Variants in BRD7 observed in about 807,000 individuals in gnomAD.
BRD7 encodes the protein bromodomain containing 7.
BRD7 carries 15 observed loss-of-function variants against 82.1 expected under a neutral mutation model. The ratio of observed to expected loss-of-function variants is 0.18; its 90% CI spans 0.12 to 0.28. The LOEUF (loss-of-function observed/expected upper bound fraction) is 0.28, where lower values mean the gene tolerates loss of function less well. Ranked by LOEUF, BRD7 falls within the 10% of genes least tolerant of loss-of-function variation. BRD7 has a pLI of 1.00. For synonymous variants in BRD7, 232 were observed against 266.9 expected (o/e 0.87, Z 1.27); for missense variants, 638 against 779.9 (o/e 0.82, Z 2.17).
intron 5 of BRD7, among the ~76,000 whole-genome samples, chr16:50,345,556 A>G (rs1469915514): frequency 6.6e-6 from 1 of 152,168 alleles, no homozygotes; most frequent in African/African-American, 2.4e-5. Flanking sequence ...TAGGCTCAAA[A>G]TAAAGGGATG....
In BRD7 at chr16:50,317,858, A is replaced by C. The variant is rs966135197; in HGVS notation, c.*1353T>G. 9 of 152,250 alleles carry C rather than the reference A, an allele frequency of 5.9e-5. No individual in the cohort carries two copies. Among genetic ancestry groups the C allele is most frequent in the African/African-American group, 1.9e-4 (8 of 41,416 alleles). The allele number at this position is 152,250 out of a possible 1,614,324, so 9.4% of individuals were successfully genotyped here. On this transcript the variant is annotated 3_prime_UTR_variant, in exon 17 of 17. Coordinates refer to ENST00000394688, the MANE Select transcript of BRD7 (RefSeq NM_013263.5). Reference sequence around the variant, plus strand: ...TCCTGAGTTAACTTTTGTGAAAATAATACCTAAGGTTTTCTGGCTTATTGA... The same window carrying C: ...TCCTGAGTTAACTTTTGTGAAAATACTACCTAAGGTTTTCTGGCTTATTGA...
intron 2 of BRD7, chr16:50,361,811 T>C (rs2038946571): frequency 6.6e-6 from 1 of 152,152 alleles, no homozygotes; most frequent in African/African-American, 2.4e-5. Flanking sequence ...CCTATACGCA[T>C]CTCCTTCTTG....
chr16:50,366,477 G>A (rs964919231), intron 2 of BRD7, among the ~76,000 whole-genome samples: 10 of 152,182 alleles, frequency 6.6e-5, no homozygotes, highest in Non-Finnish European at 1.0e-4. Context: ...ACAAATGAAA[G>A]CAATGATCTA....
At chr16:50,344,975 CA>C (rs1460594989) in intron 5 of BRD7, among the ~76,000 whole-genome samples, 5 of 152,226 alleles carry the variant, frequency 3.3e-5, no homozygotes, top group Non-Finnish European at 7.3e-5. Flanking sequence ...TCAGATTCAC[CA>C]AAGTTGAAAT....
At chr16:50,329,316 A>G (rs2037462691) in intron 8 of BRD7, among the ~76,000 whole-genome samples, 2 of 152,216 alleles carry the variant, frequency 1.3e-5, no homozygotes. Flanking sequence ...ACTATGGACC[A>G]GGTGAGGGCA....
At chr16:50,368,422 G>A (rs931987777) in intron 1 of BRD7, 124 bp from the exon 2 acceptor site, 4 of 1,078,158 alleles carry the variant, frequency 3.7e-6, no homozygotes, top group Non-Finnish European at 5.2e-6. Context: ...GCTCCGCGAA[G>A]CACCTGTTGA....
intron 6 of BRD7, among the ~76,000 whole-genome samples, chr16:50,338,127 C>T (rs2037893639): frequency 6.6e-6 from 1 of 152,178 alleles, no homozygotes; most frequent in Admixed American, 6.5e-5. Context: ...TTGACAAATG[C>T]ATTTTTACTT....
intron 5 of BRD7, among the ~76,000 whole-genome samples, chr16:50,343,704 T>C (rs971435184): frequency 2.0e-5 from 3 of 152,176 alleles, no homozygotes; most frequent in South Asian, 4.1e-4. Flanking sequence ...TCACTCACTG[T>C]TAGCACAGCA....
chr16:50,336,336 A>G (rs1201576338), intron 6 of BRD7, among the ~76,000 whole-genome samples: 1 of 152,244 alleles, frequency 6.6e-6, no homozygotes, highest in African/African-American at 2.4e-5. Context: ...AAGGGAATGA[A>G]TATTTTTGAG....
chr16:50,365,967 A>G (rs1299405354), intron 2 of BRD7, among the ~76,000 whole-genome samples: 1 of 145,048 alleles, frequency 6.9e-6, no homozygotes, highest in Non-Finnish European at 1.5e-5. Flanking sequence ...ATGTCAGAAC[A>G]CTGAAGATAA....
chr16:50,320,207 A>C (rs1356507994), intron 15 of BRD7, 41 bp downstream of exon 15: 1 of 1,577,524 alleles, frequency 6.3e-7, no homozygotes, highest in Admixed American at 1.9e-5. Context: ...TTTTTCTTTG[A>C]AGCATCCCGT....
At chr16:50,349,891 G>T in intron 5 of BRD7, 132 bp downstream of exon 5, 1 of 865,170 alleles carries the variant, frequency 1.2e-6, no homozygotes, top group Non-Finnish European at 1.7e-6. Flanking sequence ...TTCTGAAGCA[G>T]AAATAAACAA....
At chr16:50,327,047 C>T (rs910160596) in intron 9 of BRD7, among the ~76,000 whole-genome samples, 1 of 152,210 alleles carries the variant, frequency 6.6e-6, no homozygotes, top group Admixed American at 6.5e-5. Flanking sequence ...ACGGAGGCTA[C>T]TGCCATCAGT....
chr16:50,363,020 G>C (rs2038989767), intron 2 of BRD7, among the ~76,000 whole-genome samples: 1 of 148,534 alleles, frequency 6.7e-6, no homozygotes, highest in Non-Finnish European at 1.5e-5. Context: ...GCTCAGCACA[G>C]AACCTAGGAT....
chr16:50,353,653 G>A (rs1255719920), intron 4 of BRD7, among the ~76,000 whole-genome samples: 1 of 151,908 alleles, frequency 6.6e-6, no homozygotes, highest in Non-Finnish European at 1.5e-5. Context: ...GAGTGCAGTG[G>A]TGCAATCTCG....
chr16:50,340,145 C>T (rs1275276840), intron 5 of BRD7, 59 bp from the exon 6 acceptor site: 1 of 940,496 alleles, frequency 1.1e-6, no homozygotes, highest in Non-Finnish European at 1.6e-6. Context: ...ACCCTGCACC[C>T]CCAGGTTGAA....
intron 1 of BRD7, 148 bp downstream of exon 1, chr16:50,368,578 G>A (rs1403049447): frequency 8.4e-6 from 7 of 832,080 alleles, no homozygotes; most frequent in South Asian, 2.5e-5. Context: ...GGGGGGCAGC[G>A]CGGCCTCCGG....
intron 7 of BRD7, 34 bp from the exon 8 acceptor site, chr16:50,333,731 A>AT: frequency 1.4e-6 from 2 of 1,455,160 alleles, no homozygotes; most frequent in Non-Finnish European, 9.4e-7. Flanking sequence ...GTAAAAAAAA[A>AT]ACAAAGATAA....
chr16:50,368,393 G>T, intron 1 of BRD7, 95 bp from the exon 2 acceptor site: 2 of 1,333,318 alleles, frequency 1.5e-6, no homozygotes, highest in Non-Finnish European at 2.0e-6. Context: ...GGCGCAGCAA[G>T]CCCGAGGCGG....
Sources: allele counts gnomAD v4.1 joint callset (sites outside exome capture counted in the v4.1 genomes callset), GRCh38; gene constraint gnomAD v4.1.1; transcripts MANE v1.5; gene names NCBI Gene and HGNC (gene_info 2026-07-23, HGNC 2026-07-21).